The following WARS2 variants were observed in gnomAD, a reference collection of about 807,000 sequenced individuals.
WARS2 encodes tryptophanyl tRNA synthetase 2, mitochondrial.
In WARS2, 28 loss-of-function variants were observed where a neutral mutation model predicts 36.5. The ratio of observed to expected loss-of-function variants is 0.77; its 90% CI spans 0.57 to 1.05. The LOEUF (loss-of-function observed/expected upper bound fraction) is 1.05, where lower values mean the gene tolerates loss of function less well. WARS2 is among the 50% of genes least tolerant of loss of function. The pLI is 0.00. For synonymous variants in WARS2, 174 were observed against 178.4 expected, an observed-to-expected ratio of 0.98 and a Z score of 0.20; for missense variants, 435 against 456.8, an observed-to-expected ratio of 0.95 and a Z score of 0.44.
At position 119,085,155 on chromosome 1, in the gene WARS2, C is replaced by T. The variant is rs587677416; in HGVS notation, c.91-8548G>A. ...CGGGCTAGAAAGTGTGCCTGAGCTC[C>T]GCCCTCTGTCCTTATCCCTGGTCTT... is the stretch of plus-strand genomic sequence containing the variant. On this transcript the variant is annotated intron_variant, in intron 1 of 5. Transcript: ENST00000235521. 2.0e-4 allele frequency: 157 copies of T among 792,614 alleles called. 1 individual carries two copies. The highest frequency in any genetic ancestry group is 4.9e-4 in the East Asian group (20 of 40,888). 49.1% of individuals were successfully genotyped at this position (792,614 alleles called of 1,614,324 possible). A position where few individuals can be genotyped will look rare whatever the true frequency, so the allele number is the denominator to read the frequency against.
chr1:119,070,846 T>G (rs1057158014), intron 2 of WARS2, among the ~76,000 whole-genome samples: 4 of 152,158 alleles, frequency 2.6e-5, no homozygotes, highest in Admixed American at 6.5e-5. Context: ...TACTGAAGAC[T>G]ATACAGATTG....
At chr1:119,130,911 G>C (rs963235951) in intron 1 of WARS2, among the ~76,000 whole-genome samples, 1 of 152,140 alleles carries the variant, frequency 6.6e-6, no homozygotes, top group Non-Finnish European at 1.5e-5. Context: ...ATACTGCCTG[G>C]TGAGGTCTGC....
chr1:119,094,129 T>C (rs1653253364), intron 1 of WARS2, among the ~76,000 whole-genome samples: 1 of 152,232 alleles, frequency 6.6e-6, no homozygotes, highest in Non-Finnish European at 1.5e-5. Flanking sequence ...GGATCACATT[T>C]GCATTGATTC....
At chr1:119,062,135 A>C (rs2101219575) in intron 2 of WARS2, among the ~76,000 whole-genome samples, 1 of 152,194 alleles carries the variant, frequency 6.6e-6, no homozygotes, top group Non-Finnish European at 1.5e-5. Flanking sequence ...CTTGCATTTG[A>C]GCTGGAGAAA....
intron 1 of WARS2, among the ~76,000 whole-genome samples, chr1:119,078,339 T>C (rs371774578): frequency 1.3e-5 from 2 of 152,230 alleles, no homozygotes; most frequent in African/African-American, 2.4e-5. Context: ...TGAGCCAAGT[T>C]TCTCTAGTGT....
chr1:119,100,534 T>C (rs1653779855), intron 1 of WARS2, among the ~76,000 whole-genome samples: 2 of 152,216 alleles, frequency 1.3e-5, no homozygotes, highest in Admixed American at 1.3e-4. Context: ...AGCTATGGAA[T>C]CAATCTAAGT....
At chr1:119,082,393 A>G (rs1652266709) in intron 1 of WARS2, 1 of 985,264 alleles carries the variant, frequency 1.0e-6, no homozygotes, top group Non-Finnish European at 1.2e-6. Context: ...CCTTCTTGTG[A>G]TGAAATTTAG....
intron 1 of WARS2, among the ~76,000 whole-genome samples, chr1:119,093,374 T>C (rs1192417846): frequency 6.6e-6 from 1 of 151,580 alleles, no homozygotes; most frequent in Non-Finnish European, 1.5e-5. Flanking sequence ...TGTAGTAGGT[T>C]GAATTATGTC....
intron 1 of WARS2, among the ~76,000 whole-genome samples, chr1:119,101,345 A>T (rs1653849715): frequency 6.6e-6 from 1 of 152,140 alleles, no homozygotes; most frequent in African/African-American, 2.4e-5. Context: ...AAACAATATA[A>T]GAGTCATGTT....
chr1:119,039,477 G>A (rs1648170536), intron 4 of WARS2, among the ~76,000 whole-genome samples: 1 of 151,994 alleles, frequency 6.6e-6, no homozygotes, highest in African/African-American at 2.4e-5. Flanking sequence ...AGAGAAAGGG[G>A]AGAAATAAAC....
intron 1 of WARS2, among the ~76,000 whole-genome samples, chr1:119,101,273 C>T (rs1015234917): frequency 1.3e-5 from 2 of 151,908 alleles, no homozygotes; most frequent in Admixed American, 6.6e-5. Flanking sequence ...GTATTATATA[C>T]ATGTAACAAA....
At chr1:119,140,430 C>A (rs1217622061) in intron 1 of WARS2, 125 bp downstream of exon 1, 1 of 814,082 alleles carries the variant, frequency 1.2e-6, no homozygotes, top group Non-Finnish European at 1.9e-6. Flanking sequence ...GACGAGTAGA[C>A]CTTAGGCGAG....
chr1:119,046,285 GTTTT>G (rs71070781), intron 2 of WARS2, among the ~76,000 whole-genome samples: 2,670 of 101,502 alleles, frequency 0.026, 48 homozygotes, highest in Admixed American at 0.08. Flanking sequence ...CTCCTTTTCT[GTTTT>G]TTTTTTTTTT....
At chr1:119,128,318 A>C (rs1655828145) in intron 1 of WARS2, among the ~76,000 whole-genome samples, 1 of 151,968 alleles carries the variant, frequency 6.6e-6, no homozygotes, top group African/African-American at 2.4e-5. Context: ...TGATCCACTC[A>C]CCTCAGCCTC....
At chr1:119,082,752 G>A (rs1031516154) in intron 1 of WARS2, among the ~76,000 whole-genome samples, 1 of 152,140 alleles carries the variant, frequency 6.6e-6, no homozygotes, top group Non-Finnish European at 1.5e-5. Flanking sequence ...CCACAATTCA[G>A]AACTCCAGTG....
chr1:119,112,168 C>T (rs756482149), intron 1 of WARS2, among the ~76,000 whole-genome samples: 8 of 152,088 alleles, frequency 5.3e-5, no homozygotes, highest in Admixed American at 1.3e-4. Context: ...GTGATCTGGC[C>T]GCCTCAGCTT....
chr1:119,136,797 T>C (rs1656542105), intron 1 of WARS2, among the ~76,000 whole-genome samples: 1 of 152,232 alleles, frequency 6.6e-6, no homozygotes, highest in African/African-American at 2.4e-5. Context: ...TCCACCATTG[T>C]GTGACATTGG....
At chr1:119,092,881 A>T (rs1455173904) in intron 1 of WARS2, among the ~76,000 whole-genome samples, 2 of 152,216 alleles carry the variant, frequency 1.3e-5, no homozygotes, top group African/African-American at 4.8e-5. Flanking sequence ...ATGTTTCTCA[A>T]TACAATTTCA....
At chr1:119,072,294 G>A (rs937814980) in intron 2 of WARS2, among the ~76,000 whole-genome samples, 1 of 152,202 alleles carries the variant, frequency 6.6e-6, no homozygotes, top group African/African-American at 2.4e-5. Flanking sequence ...TCCACGGGCA[G>A]TAGGTAAGCA....
Sources: gnomAD v4.1 joint callset for allele counts (sites outside exome capture counted in the v4.1 genomes callset) on GRCh38, gnomAD v4.1.1 for gene constraint, MANE v1.5 for transcripts, NCBI Gene and HGNC (gene_info 2026-07-23, HGNC 2026-07-21) for gene names.